The following MEGF11 variants were observed in gnomAD, a reference collection of about 807,000 sequenced individuals.
MEGF11 encodes the protein multiple epidermal growth factor-like domains protein 11.
MEGF11 carries 126 observed loss-of-function variants against 146.6 expected under a neutral mutation model. The observed-to-expected ratio is 0.86, with a 90% CI of 0.74 to 1.00. The LOEUF (loss-of-function observed/expected upper bound fraction) is 1.00, where lower values mean the gene tolerates loss of function less well. Ranked by LOEUF, MEGF11 falls within the 50% of genes least tolerant of loss-of-function variation. MEGF11 has a pLI of 0.00. For synonymous variants in MEGF11, 532 were observed against 583.4 expected, an observed-to-expected ratio of 0.91 and a Z score of 1.27; for missense variants, 1,509 against 1,521.2, an observed-to-expected ratio of 0.99 and a Z score of 0.13.
chr15:66,165,660 A>C, intron 1 of MEGF11, among the ~76,000 whole-genome samples: 1 of 150,838 alleles, frequency 6.6e-6, no homozygotes, highest in African/African-American at 2.4e-5. Flanking sequence ...TCTATTTCCT[A>C]CCTTTTTTCC....
chr15:66,227,763 T>C (rs557883519), intron 1 of MEGF11, among the ~76,000 whole-genome samples: 1 of 152,304 alleles, frequency 6.6e-6, no homozygotes, highest in East Asian at 1.9e-4. Context: ...ATGGCTGTTA[T>C]CTTATATTTC....
chr15:66,190,591 G>T (rs907600481), intron 1 of MEGF11, among the ~76,000 whole-genome samples: 17 of 152,116 alleles, frequency 1.1e-4, no homozygotes, highest in Middle Eastern at 3.2e-3. Flanking sequence ...AGGGTTTGTA[G>T]GTGGCCAAGA....
Position 66,081,144 on chromosome 15 carries a change from G to A in MEGF11, c.394+13258C>T, listed in dbSNP as rs929047436. On this transcript the variant is annotated intron_variant, in intron 5 of 25. Coordinates refer to ENST00000395614, the MANE Select transcript of MEGF11 (RefSeq NM_001385028.1). ...GGGGCGAGGATGTGATCACAAGGCC[G>A]CCCCATCCCCCTCATGCCCTGCCTC... Among the ~76,000 whole-genome samples the A allele has an allele frequency of 5.3e-5, 8 of 152,234 alleles. No individual in the cohort carries two copies. In the East Asian group the frequency reaches 1.4e-3, roughly 26 times the overall value.
chr15:65,968,922 C>T (rs1171334948), intron 8 of MEGF11, among the ~76,000 whole-genome samples: 1 of 152,164 alleles, frequency 6.6e-6, no homozygotes, highest in South Asian at 2.1e-4. Flanking sequence ...TGGGTTAATG[C>T]AGCTGTCACC....
chr15:66,062,836 C>T (rs1438985872), intron 5 of MEGF11, among the ~76,000 whole-genome samples: 5 of 152,112 alleles, frequency 3.3e-5, no homozygotes, highest in Admixed American at 2.6e-4. Context: ...GGAAAGGAAC[C>T]CTATGGAGGT....
intron 4 of MEGF11, among the ~76,000 whole-genome samples, chr15:66,116,558 A>G (rs1348076427): frequency 1.3e-5 from 2 of 152,236 alleles, no homozygotes; most frequent in Non-Finnish European, 2.9e-5. Flanking sequence ...TACATGCTGC[A>G]TGGGTAACAT....
intron 1 of MEGF11, among the ~76,000 whole-genome samples, chr15:66,215,676 G>A (rs759527068): frequency 1.1e-4 from 17 of 152,176 alleles, no homozygotes; most frequent in Admixed American, 2.0e-4. Flanking sequence ...GAACAGGAGG[G>A]TCAACAGAGT....
In MEGF11 at chr15:66,142,313, G is replaced by A. The variant is rs117272954; in HGVS notation, c.-8-13902C>T. Among the ~76,000 whole-genome samples, 186 of 152,278 alleles carry A rather than the reference G, an allele frequency of 1.2e-3. 3 individuals carry two copies. The East Asian group carries it at 0.027, about 22-fold the overall frequency. On this transcript the variant is annotated intron_variant, in intron 1 of 25. Transcript: ENST00000395614. ...TGGAATTCTGCTACCACTTCTGCAC[G>A]GCTCTCAAGAAACAGCAGTAGCCGT...
At chr15:66,111,831 C>A (rs11071859) in intron 4 of MEGF11, among the ~76,000 whole-genome samples, 25,494 of 152,116 alleles carry the variant, frequency 0.17, 2,520 homozygotes, top group East Asian at 0.32. Flanking sequence ...CGTGAATATA[C>A]TAAATGCCAC....
chr15:66,166,757 A>C (rs1032327118), intron 1 of MEGF11, among the ~76,000 whole-genome samples: 8 of 151,848 alleles, frequency 5.3e-5, no homozygotes, highest in Admixed American at 5.2e-4. Context: ...CATTCAAGTC[A>C]TCGTCTCTGA....
At chr15:66,047,483 G>A (rs1436493039) in intron 5 of MEGF11, among the ~76,000 whole-genome samples, 3 of 152,110 alleles carry the variant, frequency 2.0e-5, no homozygotes, top group African/African-American at 4.8e-5. Context: ...AATGAAATAT[G>A]AGCACACACC....
At chr15:66,163,399 G>A (rs1347402836) in intron 1 of MEGF11, among the ~76,000 whole-genome samples, 2 of 152,152 alleles carry the variant, frequency 1.3e-5, no homozygotes, top group Admixed American at 1.3e-4. Flanking sequence ...GGAGAAGAAA[G>A]GGCTTGTGAA....
At chr15:66,097,057 C>T (rs1298157924) in intron 4 of MEGF11, among the ~76,000 whole-genome samples, 1 of 152,216 alleles carries the variant, frequency 6.6e-6, no homozygotes, top group South Asian at 2.1e-4. Flanking sequence ...ATCCCACAGT[C>T]CCTTAGCTTG....
chr15:65,981,577 G>A (rs1027402987), intron 6 of MEGF11, among the ~76,000 whole-genome samples: 1 of 152,178 alleles, frequency 6.6e-6, no homozygotes, highest in Non-Finnish European at 1.5e-5. Context: ...CCACCCCTCA[G>A]GATCTAGGCT....
rs61133495 is a variant in MEGF11, at chr15:66,000,021, C to T, written c.395-17533G>A. On this transcript the variant is annotated intron_variant, in intron 5 of 25. Coordinates refer to ENST00000395614, the MANE Select transcript of MEGF11 (RefSeq NM_001385028.1). ...GAAGTACAAGTGCTGCTTAACCCAC[C>T]GGACCTCTGGGAGACTATGAAGGCC... 4.1e-3 allele frequency among the ~76,000 whole-genome samples: 623 copies of T among 152,248 alleles called. 6 individuals are homozygous for T. Among genetic ancestry groups the T allele is most frequent in the African/African-American group, 0.014 (593 of 41,556 alleles).
intron 15 of MEGF11, among the ~76,000 whole-genome samples, chr15:65,918,743 G>C (rs1297260566): frequency 6.6e-6 from 1 of 152,242 alleles, no homozygotes; most frequent in Non-Finnish European, 1.5e-5. Context: ...TTTGGTCACA[G>C]ACCTTCCTGG....
intron 1 of MEGF11, among the ~76,000 whole-genome samples, chr15:66,159,539 C>T (rs1457164571): frequency 2.6e-5 from 4 of 152,228 alleles, no homozygotes; most frequent in African/African-American, 4.8e-5. Flanking sequence ...ACTCTAGGCA[C>T]ACCCTCTGCA....
At chr15:66,185,576 G>T (rs2090673166) in intron 1 of MEGF11, among the ~76,000 whole-genome samples, 1 of 152,308 alleles carries the variant, frequency 6.6e-6, no homozygotes, top group African/African-American at 2.4e-5. Flanking sequence ...ACTGGCCTGA[G>T]CATGTGAGTC....
chr15:66,132,321 C>A (rs560843418), intron 1 of MEGF11, among the ~76,000 whole-genome samples: 1 of 152,380 alleles, frequency 6.6e-6, no homozygotes, highest in South Asian at 2.1e-4. Flanking sequence ...CAGATGGCCT[C>A]TGCCCTGGGA....
Sources: gnomAD v4.1 joint callset for allele counts (sites outside exome capture counted in the v4.1 genomes callset) on GRCh38, gnomAD v4.1.1 for gene constraint, MANE v1.5 for transcripts, NCBI Gene and HGNC (gene_info 2026-07-23, HGNC 2026-07-21) for gene names.